Variants in TLDC2 observed in about 807,000 individuals in gnomAD.
The protein encoded by TLDC2 is TLD domain-containing protein 2.
Under a neutral mutation model 27.9 loss-of-function variants are expected in TLDC2, and 23 were observed. The ratio of observed to expected loss-of-function variants is 0.82; its 90% CI spans 0.59 to 1.17. The LOEUF is 1.17. Among genes scored for constraint, TLDC2 ranks in the 50% most tolerant of loss-of-function variants. The pLI is 0.00. For missense variants in TLDC2, 286 were observed against 273.4 expected (o/e 1.05, Z -0.32); for synonymous variants, 124 against 107.4 (o/e 1.16, Z -0.96).
Position 36,893,086 on chromosome 20 carries a change from A to C in TLDC2, c.*242A>C. On this transcript the variant is annotated 3_prime_UTR_variant, in exon 7 of 7. Transcript: ENST00000217320. Reference sequence around the variant, plus strand: ...GCCATCCTATTAGGAAGAGAGAGAAAAACAGGCAATAGAGAAAAGCCAGTT... The same window carrying C: ...GCCATCCTATTAGGAAGAGAGAGAACAACAGGCAATAGAGAAAAGCCAGTT... The C allele has an allele frequency of 1.2e-6, 2 of 1,611,326 alleles. No individual in the cohort carries two copies. Among genetic ancestry groups the C allele is most frequent in the Non-Finnish European group, 1.7e-6 (2 of 1,179,980 alleles).
chr20:36,877,966 C>A lies in TLDC2; in HGVS notation c.101C>A (p.Ala34Asp). The A allele has an allele frequency of 6.2e-7, 1 of 1,614,134 alleles. No homozygotes were observed. Among genetic ancestry groups the A allele is most frequent in the South Asian group, 1.1e-5 (1 of 91,086 alleles). ...GNEEEEEEEA[A>D]PDPAAAPEDP... Reference sequence around the variant, plus strand: ...GAAGAGGAAGAGGAGGAGGAGGCAGCTCCAGACCCAGCTGCTGCTCCTGAG... The same window carrying A: ...GAAGAGGAAGAGGAGGAGGAGGCAGATCCAGACCCAGCTGCTGCTCCTGAG... The change falls in exon 2 of 7, where the codon GCT (alanine) becomes GAT (aspartate). Residue 34 changes from alanine to aspartate, a missense_variant. By Grantham distance (126) the Ala-to-Asp change is moderately radical. Transcript: ENST00000217320.
rs748704113 is a variant in TLDC2, at chr20:36,880,765, C to T, written c.438+15C>T. ...CACAGCTGAAGGTGATGTTCCCAACCTTCCATGGGGGGAGTGGGGCGTGTG... is the reference window on the plus strand; with the variant it reads ...CACAGCTGAAGGTGATGTTCCCAACTTTCCATGGGGGGAGTGGGGCGTGTG... On this transcript the variant is annotated intron_variant, in intron 4 of 6. Coordinates refer to ENST00000217320, the MANE Select transcript of TLDC2 (RefSeq NM_080628.3). The T allele has an allele frequency of 6.2e-7, 1 of 1,611,956 alleles. No individual in the cohort carries two copies. The highest frequency in any genetic ancestry group is 1.1e-5 in the South Asian group (1 of 91,026).
At chr20:36,884,559 G>C in intron 4 of TLDC2, among the ~76,000 whole-genome samples, 1 of 151,928 alleles carries the variant, frequency 6.6e-6, no homozygotes, top group East Asian at 1.9e-4. Context: ...AGGAGTTCAG[G>C]ATCAGCCCTC....
At chr20:36,887,736 C>G (rs1298169932) in intron 5 of TLDC2, among the ~76,000 whole-genome samples, 4 of 152,162 alleles carry the variant, frequency 2.6e-5, no homozygotes, top group African/African-American at 9.7e-5. Flanking sequence ...TGAGTGCCCC[C>G]ACTGAAGTGT....
chr20:36,888,779 G>C (rs1364177143), intron 5 of TLDC2, among the ~76,000 whole-genome samples: 1 of 150,324 alleles, frequency 6.7e-6, no homozygotes, highest in African/African-American at 2.4e-5. Flanking sequence ...CCAGCACTTT[G>C]GGAGGCCAAG....
At chr20:36,878,970 A>C in intron 2 of TLDC2, 71 bp from the exon 3 acceptor site, 3 of 1,611,552 alleles carry the variant, frequency 1.9e-6, no homozygotes, top group Non-Finnish European at 2.5e-6. Flanking sequence ...CTAGCTGTCC[A>C]AGCCCACCCC....
Position 36,893,847 on chromosome 20 carries a change from C to T in TLDC2, c.*1003C>T. 2.5e-6 allele frequency: 1 copy of T among 398,636 alleles called. No individual in the cohort carries two copies. Among genetic ancestry groups the T allele is most frequent in the East Asian group, 3.6e-5 (1 of 28,080 alleles). The allele number at this position is 398,636 out of a possible 1,614,324, so 24.7% of individuals were successfully genotyped here. On this transcript the variant is annotated 3_prime_UTR_variant, in exon 7 of 7. Coordinates refer to ENST00000217320, the MANE Select transcript of TLDC2 (RefSeq NM_080628.3). The stretch of plus-strand genomic sequence containing the variant: ...CTCTCCCTACTCTGTCTCACAGGAG[C>T]TACTCCGGTAAATTACATTTCTCAG...
intron 4 of TLDC2, 126 bp from the exon 5 acceptor site, chr20:36,887,329 C>A: frequency 1.2e-6 from 1 of 812,124 alleles, no homozygotes; most frequent in Non-Finnish European, 2.1e-6. Context: ...GGAGTCCCAC[C>A]TGCGGCTCGG....
Position 36,887,539 on chromosome 20 carries a change from CAGTCTTCCCG to C in TLDC2, c.512+18_512+27del, listed in dbSNP as rs1989949622. ...GATGGGCAGTGGCAGGTGAGTGTCT[CAGTCTTCCCG>C]AGTCTTGGGGCGGTCTGTGTTCTGG... On this transcript the variant is annotated intron_variant, in intron 5 of 6. Transcript: ENST00000217320. 6.2e-7 allele frequency: 1 copy of C among 1,613,122 alleles called. No individual in the cohort carries two copies. Among genetic ancestry groups the C allele is most frequent in the African/African-American group, 1.3e-5 (1 of 75,002 alleles).
intron 4 of TLDC2, among the ~76,000 whole-genome samples, 160 bp from the exon 5 acceptor site, chr20:36,887,295 A>G (rs898675705): frequency 2.0e-5 from 3 of 152,036 alleles, no homozygotes; most frequent in African/African-American, 4.8e-5. Context: ...GACTGAGAAG[A>G]TAAACCCCAA....
rs919186952 is a variant in TLDC2, at chr20:36,878,448, G to A, written c.189+394G>A. 7.2e-5 allele frequency among the ~76,000 whole-genome samples: 11 copies of A among 152,144 alleles called. 1 individual carries two copies. The highest frequency in any genetic ancestry group is 3.9e-4 in the Admixed American group (6 of 15,272). On this transcript the variant is annotated intron_variant, in intron 2 of 6. Transcript: ENST00000217320. ...ATACAAAAATTAGCCGGGTGTGGTG[G>A]TGTGCACCTGTAGTCTCAGCTACTC...
chr20:36,876,663 A>ACACACACACT (rs1491572499), intron 1 of TLDC2, among the ~76,000 whole-genome samples: 1 of 151,936 alleles, frequency 6.6e-6, no homozygotes, highest in African/African-American at 2.4e-5. Context: ...ACACATGCAA[A>ACACACACACT]CACACACACT....
At chr20:36,880,542 C>A in intron 3 of TLDC2, 113 bp from the exon 4 acceptor site, 1 of 811,878 alleles carries the variant, frequency 1.2e-6, no homozygotes, top group Non-Finnish European at 2.0e-6. Flanking sequence ...AGCTCTGCCC[C>A]AGCTTCCCAG....
intron 4 of TLDC2, among the ~76,000 whole-genome samples, chr20:36,886,145 T>C (rs1989916257): frequency 6.6e-6 from 1 of 152,182 alleles, no homozygotes; most frequent in Non-Finnish European, 1.5e-5. Flanking sequence ...TGTTGTTTTT[T>C]AGAGTTGGGG....
At chr20:36,889,132 A>G (rs1989994936) in intron 5 of TLDC2, 119 bp from the exon 6 acceptor site, 2 of 1,449,506 alleles carry the variant, frequency 1.4e-6, no homozygotes, top group Admixed American at 2.1e-5. Flanking sequence ...TTAAGGGGCG[A>G]TAAGACAGGT....
At position 36,892,891 on chromosome 20, in the gene TLDC2, T is replaced by G. The variant is rs1182228033; in HGVS notation, c.*47T>G. On this transcript the variant is annotated 3_prime_UTR_variant, in exon 7 of 7. Coordinates refer to ENST00000217320, the MANE Select transcript of TLDC2 (RefSeq NM_080628.3). ...CTATGATTGAAGCCTCTAAATGAAT[T>G]GTGCAGGAGAGGGAGTTTGTAAACA... The G allele has an allele frequency of 6.2e-7, 1 of 1,612,654 alleles. No homozygotes were observed. The highest frequency in any genetic ancestry group is 1.7e-5 in the Admixed American group (1 of 60,002).
chr20:36,890,390 T>TTC (rs1369844521), intron 6 of TLDC2: 5 of 19,714 alleles, frequency 2.5e-4, no homozygotes, highest in African/African-American at 6.4e-4. Flanking sequence ...GCAAAGATAT[T>TTC]TCTTTCTCTT....
At chr20:36,880,071 A>ATATATATATATATATGTATG (rs1555828522) in intron 3 of TLDC2, among the ~76,000 whole-genome samples, 1 of 32,404 alleles carries the variant, frequency 3.1e-5, no homozygotes, top group African/African-American at 1.7e-4. Flanking sequence ...ATATATATAC[A>ATATATATATATATATGTATG]TATATATATA....
At chr20:36,877,758 A>G in intron 1 of TLDC2, 141 bp from the exon 2 acceptor site, 2 of 988,892 alleles carry the variant, frequency 2.0e-6, no homozygotes, top group Non-Finnish European at 3.0e-6. Context: ...GAAACCCCCA[A>G]CTACCCTGGG....
Sources: allele counts gnomAD v4.1 joint callset (sites outside exome capture counted in the v4.1 genomes callset), GRCh38; gene constraint gnomAD v4.1.1; transcripts MANE v1.5; gene names NCBI Gene and HGNC (gene_info 2026-07-23, HGNC 2026-07-21).